SMIM7: variants seen among roughly 807,000 people sequenced by gnomAD.
SMIM7 encodes the protein UPF0608 protein C19orf42.
A neutral mutation model predicts 13.3 loss-of-function variants in SMIM7; 12 were observed. The observed-to-expected ratio is 0.90, with a 90% CI of 0.58 to 1.46. The LOEUF is 1.46. Ranked by LOEUF, SMIM7 falls within the 40% of genes most tolerant of loss-of-function variation. SMIM7 has a pLI of 0.00. For synonymous variants in SMIM7, 36 were observed against 35.8 expected (o/e 1.01, Z -0.02); for missense variants, 114 against 94.8 (o/e 1.20, Z -0.84).
At chr19:16,650,709 CAA>C (rs571019127) in intron 4 of SMIM7, among the ~76,000 whole-genome samples, 42 of 98,130 alleles carry the variant, frequency 4.3e-4, no homozygotes, top group Non-Finnish European at 3.7e-4. Context: ...GACTCCACCT[CAA>C]AAAAAAAAAA....
At chr19:16,649,500 G>A (rs2086491873) in intron 4 of SMIM7, among the ~76,000 whole-genome samples, 2 of 152,164 alleles carry the variant, frequency 1.3e-5, no homozygotes, top group Admixed American at 6.6e-5. Context: ...TTGAACCCGG[G>A]AGGTGGAGGT....
At chr19:16,650,780 C>T (rs1329716365) in intron 4 of SMIM7, among the ~76,000 whole-genome samples, 1 of 152,066 alleles carries the variant, frequency 6.6e-6, no homozygotes, top group East Asian at 1.9e-4. Flanking sequence ...CCAATTTCCT[C>T]AGCAACTGCC....
chr19:16,641,648 G>A (rs1281145950), downstream of SMIM7, among the ~76,000 whole-genome samples: 1 of 152,096 alleles, frequency 6.6e-6, no homozygotes, highest in Non-Finnish European at 1.5e-5. Context: ...GTCCAGGCTG[G>A]AGTGCAGTGG....
At chr19:16,636,706 C>T (rs2086363613) in intron 4 of SMIM7, among the ~76,000 whole-genome samples, 1 of 152,202 alleles carries the variant, frequency 6.6e-6, no homozygotes, top group African/African-American at 2.4e-5. Flanking sequence ...AATCCTGGCA[C>T]TTTGGGAGGC....
chr19:16,654,141 A>C lies in SMIM7; in HGVS notation c.122-16T>G. 6.2e-7 allele frequency: 1 copy of C among 1,611,198 alleles called. No homozygotes were observed. Among genetic ancestry groups the C allele is most frequent in the Non-Finnish European group, 8.5e-7 (1 of 1,177,488 alleles). ...ATGTTGTCACCTGGAAGAATCAGAA[A>C]GCACTTTTATGGCACAGCTAACATC... On this transcript the variant is annotated splice_polypyrimidine_tract_variant and intron_variant, in intron 3 of 4. Transcript: ENST00000487416.
downstream of SMIM7, among the ~76,000 whole-genome samples, chr19:16,641,842 A>G (rs2122501755): frequency 1.3e-5 from 2 of 152,248 alleles, 1 homozygote; most frequent in South Asian, 4.1e-4. Flanking sequence ...CAGCTTCCCA[A>G]AGTGTGGGGA....
chr19:16,632,627 G>A (rs1029760800), intron 4 of SMIM7, among the ~76,000 whole-genome samples: 1 of 151,446 alleles, frequency 6.6e-6, no homozygotes, highest in Non-Finnish European at 1.5e-5. Flanking sequence ...TACCTCTTGG[G>A]TTCAAGTGAT....
At chr19:16,632,507 C>T (rs553780340) in intron 4 of SMIM7, among the ~76,000 whole-genome samples, 1 of 148,978 alleles carries the variant, frequency 6.7e-6, no homozygotes, top group South Asian at 2.1e-4. Context: ...GGGACACCAA[C>T]GAATGAAAAA....
chr19:16,632,276 TAA>T (rs1199915884), intron 4 of SMIM7, among the ~76,000 whole-genome samples: 1 of 152,132 alleles, frequency 6.6e-6, no homozygotes, highest in Non-Finnish European at 1.5e-5. Context: ...GGCTTTGCAC[TAA>T]GTCTTGTTTA....
intron 4 of SMIM7, among the ~76,000 whole-genome samples, chr19:16,635,499 A>G (rs2048052475): frequency 2.0e-5 from 3 of 152,072 alleles, no homozygotes; most frequent in Admixed American, 2.0e-4. Context: ...AGGAGGGTGG[A>G]TCTGAAGGAA....
intron 4 of SMIM7, chr19:16,636,679 C>T (rs2086363410): frequency 6.6e-6 from 1 of 152,288 alleles, no homozygotes; most frequent in Admixed American, 6.5e-5. Context: ...TAGCCAGGCA[C>T]AATGGCCCAT....
intron 4 of SMIM7, chr19:16,652,715 G>T: frequency 7.0e-7 from 1 of 1,437,454 alleles, no homozygotes; most frequent in East Asian, 2.5e-5. Flanking sequence ...AGCCACTGGG[G>T]TGGCACGCAG....
rs372840175 is a variant in SMIM7 at position 16,646,201 on chromosome 19, A to C, written c.*1045T>G. The C allele has an allele frequency of 6.6e-6, 1 of 152,166 alleles. No individual in the cohort carries two copies. The highest frequency in any genetic ancestry group is 1.5e-5 in the Non-Finnish European group (1 of 68,042). The allele number at this position is 152,166 out of a possible 1,614,324, so 9.4% of individuals were successfully genotyped here. ...AGGCTACTCAGTCCTAAAAGCCTGC[A>C]TATTTACTTTTTTTCCTTCCTCCAG... On this transcript the variant is annotated 3_prime_UTR_variant, in exon 5 of 5. Transcript: ENST00000487416.
At chr19:16,641,827 T>C (rs12151241), downstream of SMIM7, among the ~76,000 whole-genome samples, 8,239 of 152,248 alleles carry the variant, frequency 0.054, 417 homozygotes, top group East Asian at 0.25. Context: ...AGGGATCGCC[T>C]GGCTCAGCTT....
At chr19:16,636,737 A>G (rs1034372587) in intron 4 of SMIM7, among the ~76,000 whole-genome samples, 3 of 152,178 alleles carry the variant, frequency 2.0e-5, no homozygotes, top group Non-Finnish European at 4.4e-5. Flanking sequence ...GGACTGCTTG[A>G]GCCTGGGAGT....
intron 4 of SMIM7, among the ~76,000 whole-genome samples, chr19:16,639,374 C>G (rs867149176): frequency 1.4e-4 from 21 of 152,134 alleles, no homozygotes; most frequent in East Asian, 1.4e-3. Context: ...TGCCCGCCTC[C>G]GCCTCCCAAA....
intron 3 of SMIM7, among the ~76,000 whole-genome samples, chr19:16,657,476 C>T (rs769651447): frequency 3.3e-5 from 5 of 152,134 alleles, no homozygotes; most frequent in Non-Finnish European, 5.9e-5. Flanking sequence ...AATGGATAGA[C>T]GGACAGATGG....
downstream of SMIM7, among the ~76,000 whole-genome samples, chr19:16,642,509 C>T (rs2086411048): frequency 6.6e-6 from 1 of 151,988 alleles, no homozygotes; most frequent in Non-Finnish European, 1.5e-5. Context: ...AAGATCACAC[C>T]ACCGCACTCC....
chr19:16,635,199 TA>T lies in SMIM7; in HGVS notation c.*138-3476del, dbSNP rs749002114. 693 of 111,034 alleles carry T rather than the reference TA, an allele frequency of 6.2e-3. 1 individual carries two copies. The highest frequency in any genetic ancestry group is 0.014 in the Middle Eastern group (3 of 216). 6.9% of individuals were successfully genotyped at this position (111,034 alleles called of 1,614,324 possible). A position where few individuals can be genotyped will look rare whatever the true frequency, so the allele number is the denominator to read the frequency against. On this transcript the variant is annotated intron_variant and NMD_transcript_variant, in intron 4 of 4. Coordinates refer to the SMIM7 transcript ENST00000465250. ...CAAGATGGCAAAACCCCATCCCTCC[TA>T]AAAAAAAAAAAAAAAAATTAGGCAT... is the stretch of plus-strand genomic sequence containing the variant.
Sources: gnomAD v4.1 joint callset for allele counts (sites outside exome capture counted in the v4.1 genomes callset) on GRCh38, gnomAD v4.1.1 for gene constraint, MANE v1.5 for transcripts, NCBI Gene and HGNC (gene_info 2026-07-23, HGNC 2026-07-21) for gene names.